Variants in EIF3D observed in about 807,000 individuals in gnomAD.
EIF3D encodes eIF3 p66.
Under a neutral mutation model 75.4 loss-of-function variants are expected in EIF3D, and 10 were observed. The ratio of observed to expected loss-of-function variants is 0.13; its 90% CI spans 0.08 to 0.22. The LOEUF is 0.22. Among genes scored for constraint, EIF3D ranks in the 10% least tolerant of loss-of-function variants. EIF3D has a pLI of 1.00. For missense variants in EIF3D, 394 were observed against 708.0 expected (o/e 0.56, Z 5.03); for synonymous variants, 246 against 248.3 (o/e 0.99, Z 0.09).
intron 9 of EIF3D, 140 bp from the exon 10 acceptor site, chr22:36,517,571 G>A: frequency 1.0e-6 from 1 of 953,380 alleles, no homozygotes; most frequent in Non-Finnish European, 1.5e-6. Context: ...GGGTCTCCCT[G>A]GTGTGGAACA....
chr22:36,516,717 G>T lies in EIF3D; in HGVS notation c.1064C>A (p.Ser355Tyr). The T allele has an allele frequency of 1.2e-6, 2 of 1,614,252 alleles. No individual in the cohort carries two copies. The highest frequency in any genetic ancestry group is 1.7e-6 in the Non-Finnish European group (2 of 1,180,052). The change falls in exon 11 of 15, where the codon TCT (serine) becomes TAT (tyrosine). Residue 355 changes from serine (S) to tyrosine (Y), a missense_variant. Coordinates refer to ENST00000216190, the MANE Select transcript of EIF3D (RefSeq NM_003753.4). ...EDDMDKNEIA[S>Y]VAYRYRRWKL... ...AGAGGTGACCTACCGGTACGCAACA[G>T]AGGCGATTTCATTCTTATCCATGTC...
intron 13 of EIF3D, among the ~76,000 whole-genome samples, chr22:36,512,115 C>A (rs993488907): frequency 6.6e-6 from 1 of 152,266 alleles, no homozygotes; most frequent in African/African-American, 2.4e-5. Context: ...TGGTCTTGAT[C>A]TCCTGACCTC....
At chr22:36,524,316 C>G (rs1224700342) in intron 4 of EIF3D, among the ~76,000 whole-genome samples, 1 of 152,160 alleles carries the variant, frequency 6.6e-6, no homozygotes, top group Non-Finnish European at 1.5e-5. Flanking sequence ...AGTGTGGTAA[C>G]AGGCACAGGT....
intron 4 of EIF3D, among the ~76,000 whole-genome samples, chr22:36,524,374 C>T (rs1469405828): frequency 6.6e-6 from 1 of 152,170 alleles, no homozygotes; most frequent in Non-Finnish European, 1.5e-5. Flanking sequence ...AGTCTGATGT[C>T]CTAGCTACTG....
At chr22:36,521,194 C>T (rs897488341) in intron 6 of EIF3D, among the ~76,000 whole-genome samples, 5 of 152,066 alleles carry the variant, frequency 3.3e-5, no homozygotes, top group Non-Finnish European at 7.4e-5. Flanking sequence ...AGCAAGACTG[C>T]GTCTCAATAA....
At chr22:36,524,809 AT>A (rs1313803360) in intron 3 of EIF3D, 77 bp from the exon 4 acceptor site, 35 of 1,592,408 alleles carry the variant, frequency 2.2e-5, no homozygotes, top group Admixed American at 6.7e-5. Flanking sequence ...AAGCCTTGCT[AT>A]TTCAAGTGTG....
intron 12 of EIF3D, 137 bp downstream of exon 12, chr22:36,516,340 CA>C (rs61025388): frequency 0.072 from 77,142 of 1,071,396 alleles, 2,936 homozygotes; most frequent in African/African-American, 0.14. Context: ...ACTCACAAGA[CA>C]AAAAAAAACA....
At chr22:36,512,846 T>C (rs908567834) in intron 12 of EIF3D, 20 of 459,294 alleles carry the variant, frequency 4.4e-5, no homozygotes, top group African/African-American at 2.4e-4. Context: ...GAATGATGGA[T>C]GGACACACAC....
chr22:36,522,125 G>A (rs1021585216), intron 6 of EIF3D, among the ~76,000 whole-genome samples: 7 of 152,142 alleles, frequency 4.6e-5, no homozygotes, highest in African/African-American at 1.7e-4. Context: ...AGGCTGAGGT[G>A]GGTGGACTGC....
At chr22:36,522,285 C>G (rs1026268077) in intron 6 of EIF3D, among the ~76,000 whole-genome samples, 1 of 152,088 alleles carries the variant, frequency 6.6e-6, no homozygotes, top group Admixed American at 6.5e-5. Context: ...ACCCAGCAGG[C>G]AGAGGTTGCA....
chr22:36,521,774 A>G (rs1271660895), intron 6 of EIF3D, among the ~76,000 whole-genome samples: 3 of 110,824 alleles, frequency 2.7e-5, no homozygotes, highest in African/African-American at 1.0e-4. Context: ...AAAACATATG[A>G]AAAAAAAAAA....
chr22:36,515,684 G>A (rs1260248846), intron 12 of EIF3D, among the ~76,000 whole-genome samples: 1 of 152,158 alleles, frequency 6.6e-6, no homozygotes, highest in Non-Finnish European at 1.5e-5. Context: ...ACTCCACTGG[G>A]ATCAAAAAGG....
intron 1 of EIF3D, among the ~76,000 whole-genome samples, chr22:36,528,062 C>T (rs1934633742): frequency 6.6e-6 from 1 of 152,134 alleles, no homozygotes; most frequent in Non-Finnish European, 1.5e-5. Flanking sequence ...TGAGCTCCTA[C>T]GTGTTAGGCC....
chr22:36,512,280 T>G (rs544809685), intron 13 of EIF3D, among the ~76,000 whole-genome samples, 180 bp downstream of exon 13: 87 of 152,318 alleles, frequency 5.7e-4, no homozygotes, highest in Non-Finnish European at 6.3e-4. Context: ...AGTTCAGGAC[T>G]CCATTCAGCA....
chr22:36,523,941 G>T lies in EIF3D; in HGVS notation c.346C>A (p.Gln116Lys). The change falls in exon 5 of 15, where the codon CAG becomes AAG. Residue 116 changes from glutamine to lysine, a missense_variant. Coordinates refer to ENST00000216190, the MANE Select transcript of EIF3D (RefSeq NM_003753.4). ...TTAGGCAGGATCTGCAGGTTGAACTGCAACATGTTCCGACGATCTTTGTCT... is the reference window on the plus strand; with the variant it reads ...TTAGGCAGGATCTGCAGGTTGAACTTCAACATGTTCCGACGATCTTTGTCT... ...RRDKDRRNML[Q>K]FNLQILPKSA... The T allele has an allele frequency of 6.2e-7, 1 of 1,614,112 alleles. No homozygotes were observed. Among genetic ancestry groups the T allele is most frequent in the Non-Finnish European group, 8.5e-7 (1 of 1,180,020 alleles).
chr22:36,523,494 T>C (rs1934548356), intron 5 of EIF3D, among the ~76,000 whole-genome samples: 1 of 152,162 alleles, frequency 6.6e-6, no homozygotes, highest in Admixed American at 6.5e-5. Context: ...CCAGATGATT[T>C]TACTTCATCT....
intron 1 of EIF3D, among the ~76,000 whole-genome samples, chr22:36,528,050 G>C (rs904362185): frequency 2.6e-5 from 4 of 152,100 alleles, no homozygotes; most frequent in African/African-American, 4.8e-5. Context: ...AATAAATATT[G>C]CTGAGCTCCT....
chr22:36,519,359 G>T (rs374738887), intron 8 of EIF3D, 46 bp downstream of exon 8: 23 of 1,610,370 alleles, frequency 1.4e-5, no homozygotes, highest in Non-Finnish European at 2.0e-5. Context: ...TGTAGAAGCC[G>T]ACAGCATTCC....
In EIF3D at chr22:36,523,956, G is replaced by A. The variant is rs1430155544; in HGVS notation, c.331C>T (p.Arg111Cys). 6.2e-7 allele frequency: 1 copy of A among 1,614,070 alleles called. No individual in the cohort carries two copies. The highest frequency in any genetic ancestry group is 8.5e-7 in the Non-Finnish European group (1 of 1,179,984). Residue 111 changes from arginine (R) to cysteine (C), a missense_variant, in exon 5 of 15, where the codon CGT (arginine) becomes TGT (cysteine). Transcript: ENST00000216190. The part of the protein sequence containing the change: ...AQRNLRRDKD[R>C]RNMLQFNLQI... ...AGGTTGAACTGCAACATGTTCCGACGATCTTTGTCTCTGCGGAGGTTCCTC... is the reference window on the plus strand; with the variant it reads ...AGGTTGAACTGCAACATGTTCCGACAATCTTTGTCTCTGCGGAGGTTCCTC...
Sources: gnomAD v4.1 joint callset for allele counts (sites outside exome capture counted in the v4.1 genomes callset) on GRCh38, gnomAD v4.1.1 for gene constraint, MANE v1.5 for transcripts, NCBI Gene and HGNC (gene_info 2026-07-23, HGNC 2026-07-21) for gene names.